The following HDAC9 variants were observed in gnomAD, a reference collection of about 807,000 sequenced individuals.
HDAC9 encodes the protein MEF-2 interacting transcription repressor (MITR) protein.
In HDAC9, 41 loss-of-function variants were observed where a neutral mutation model predicts 139.4. The ratio of observed to expected loss-of-function variants is 0.29; its 90% CI spans 0.23 to 0.38. HDAC9 has a LOEUF of 0.38. HDAC9 is among the 10% of genes least tolerant of loss of function. HDAC9 has a pLI of 1.00. For missense variants in HDAC9, 1,147 were observed against 1,297.0 expected (o/e 0.88, Z 1.78); for synonymous variants, 517 against 476.2 (o/e 1.09, Z -1.12).
rs376956241 is a variant in HDAC9 at position 18,392,067 on chromosome 7, G to A, written c.-42+101552G>A. Among the ~76,000 whole-genome samples the A allele has an allele frequency of 3.9e-5, 6 of 152,208 alleles. No individual in the cohort carries two copies. In the East Asian group the frequency reaches 1.2e-3, roughly 29 times the overall value. On this transcript the variant is annotated intron_variant, in intron 1 of 3. Coordinates refer to the HDAC9 transcript ENST00000413509. ...TCTTTAATGAGGTGAGCAAGACACA[G>A]TGAAAAGAGAGAAGTTTTGAGTCAC...
intron 2 of HDAC9, among the ~76,000 whole-genome samples, chr7:18,548,239 T>G (rs144441256): frequency 6.6e-6 from 1 of 152,128 alleles, no homozygotes; most frequent in African/African-American, 2.4e-5. Flanking sequence ...CGCCGTCTTA[T>G]ATGGGTGTGG....
chr7:18,639,536 A>G (rs897714148), intron 8 of HDAC9, among the ~76,000 whole-genome samples: 2 of 152,092 alleles, frequency 1.3e-5, no homozygotes, highest in African/African-American at 4.8e-5. Context: ...GGTGTCCAGT[A>G]AAATGAAAAC....
intron 22 of HDAC9, among the ~76,000 whole-genome samples, chr7:18,902,621 A>G (rs1470242044): frequency 1.3e-5 from 2 of 152,204 alleles, no homozygotes; most frequent in East Asian, 3.9e-4. Context: ...ACAATTGACA[A>G]GGGCAGGGGG....
rs113226068 is a variant in HDAC9, at chr7:18,971,983, ATGTT to A, written c.3023-3815_3023-3812del. Among the ~76,000 whole-genome samples the A allele has an allele frequency of 2.5e-3, 388 of 152,282 alleles. 3 individuals are homozygous for A. Among genetic ancestry groups the A allele is most frequent in the African/African-American group, 8.7e-3 (361 of 41,560 alleles). On this transcript the variant is annotated intron_variant, in intron 24 of 25. Coordinates refer to ENST00000686413, the MANE Select transcript of HDAC9 (RefSeq NM_178425.4). ...TCCTGATTGTGTTATGGAAGTAAAG[ATGTT>A]TGTTTGTGGCCTAGACCTCTCCTGT...
chr7:18,911,772 A>G (rs1313029558), intron 22 of HDAC9, among the ~76,000 whole-genome samples: 1 of 151,922 alleles, frequency 6.6e-6, no homozygotes, highest in Non-Finnish European at 1.5e-5. Flanking sequence ...ATTCAGGAGC[A>G]TGTTGTTTAA....
chr7:18,387,890 C>A (rs978711242), intron 1 of HDAC9, among the ~76,000 whole-genome samples: 2 of 151,464 alleles, frequency 1.3e-5, no homozygotes, highest in Admixed American at 6.6e-5. Flanking sequence ...AACATCTTAA[C>A]ATTTTTTGTG....
At chr7:18,812,322 T>C (rs1190941176) in intron 17 of HDAC9, among the ~76,000 whole-genome samples, 1 of 151,924 alleles carries the variant, frequency 6.6e-6, no homozygotes, top group Non-Finnish European at 1.5e-5. Context: ...TATCATTTCC[T>C]TTCAATCTGA....
chr7:18,555,281 A>T (rs1235800792), intron 2 of HDAC9, among the ~76,000 whole-genome samples: 1 of 152,206 alleles, frequency 6.6e-6, no homozygotes, highest in Non-Finnish European at 1.5e-5. Flanking sequence ...TCCTAAGGAA[A>T]CAATTCTAAT....
Position 18,879,232 on chromosome 7 carries a change from G to T in HDAC9, c.2803+4636G>T, listed in dbSNP as rs183851920. Among the ~76,000 whole-genome samples, 124 of 152,212 alleles carry T rather than the reference G, an allele frequency of 8.1e-4. 1 individual carries two copies. The highest frequency in any genetic ancestry group is 2.8e-3 in the African/African-American group (117 of 41,550). ...TCAATATAATTAAAATGGCCGCACT[G>T]CCCAAAGCAATTTACAGATTCAATG... On this transcript the variant is annotated intron_variant, in intron 22 of 25. Coordinates refer to ENST00000686413, the MANE Select transcript of HDAC9 (RefSeq NM_178425.4).
intron 22 of HDAC9, among the ~76,000 whole-genome samples, chr7:18,901,194 T>C (rs541016540): frequency 5.0e-4 from 74 of 146,582 alleles, no homozygotes; most frequent in Non-Finnish European, 6.2e-4. Context: ...TCTCTGTATA[T>C]ATACTATATA....
chr7:18,301,800 G>A (rs58683153), intron 1 of HDAC9, among the ~76,000 whole-genome samples: 1 of 152,148 alleles, frequency 6.6e-6, no homozygotes, highest in Non-Finnish European at 1.5e-5. Flanking sequence ...ATGAATGAAT[G>A]ATGCAGTGGA....
chr7:18,733,125 GTATA>G (rs4043672), intron 13 of HDAC9, among the ~76,000 whole-genome samples: 1 of 141,410 alleles, frequency 7.1e-6, no homozygotes, highest in East Asian at 2.1e-4. Context: ...GTGTATACAT[GTATA>G]TATATACACA....
intron 1 of HDAC9, among the ~76,000 whole-genome samples, chr7:18,369,238 A>G (rs558644436): frequency 1.1e-3 from 163 of 152,214 alleles, no homozygotes; most frequent in African/African-American, 3.3e-3. Context: ...TTTTGTCTCA[A>G]TGTAACAGCA....
intron 1 of HDAC9, among the ~76,000 whole-genome samples, chr7:18,314,119 T>G (rs1014238745): frequency 6.6e-6 from 1 of 152,182 alleles, no homozygotes; most frequent in African/African-American, 2.4e-5. Context: ...TTTGCCAAAG[T>G]ATGTTGGACA....
chr7:18,860,896 C>T (rs927726326), intron 21 of HDAC9, among the ~76,000 whole-genome samples: 1 of 152,128 alleles, frequency 6.6e-6, no homozygotes, highest in South Asian at 2.1e-4. Context: ...TGCCCGCTCT[C>T]CACACCCTTG....
chr7:18,307,095 TC>T (rs1470941925), intron 1 of HDAC9, among the ~76,000 whole-genome samples: 2 of 124,546 alleles, frequency 1.6e-5, no homozygotes, highest in Non-Finnish European at 1.6e-5. Flanking sequence ...GGAGGGCAGT[TC>T]TTGTGTGTGT....
At chr7:18,483,454 A>G (rs1204424105) in intron 1 of HDAC9, among the ~76,000 whole-genome samples, 2 of 152,194 alleles carry the variant, frequency 1.3e-5, no homozygotes, top group Non-Finnish European at 2.9e-5. Flanking sequence ...TCTGTTTGAT[A>G]GTGGATGTGT....
chr7:18,522,383 T>G (rs910134670), intron 2 of HDAC9, among the ~76,000 whole-genome samples: 1 of 152,144 alleles, frequency 6.6e-6, no homozygotes, highest in African/African-American at 2.4e-5. Flanking sequence ...TGGGAAACTC[T>G]TAAGGAGCCA....
At chr7:18,527,394 A>G (rs1005389731) in intron 2 of HDAC9, among the ~76,000 whole-genome samples, 5 of 152,148 alleles carry the variant, frequency 3.3e-5, no homozygotes, top group African/African-American at 9.7e-5. Context: ...TAAGTAAGTT[A>G]ATGTTGGAAA....
Sources: gnomAD v4.1 joint callset for allele counts (sites outside exome capture counted in the v4.1 genomes callset) on GRCh38, gnomAD v4.1.1 for gene constraint, MANE v1.5 for transcripts, NCBI Gene and HGNC (gene_info 2026-07-23, HGNC 2026-07-21) for gene names.